The following GPC5 variants were observed in gnomAD, a reference collection of about 807,000 sequenced individuals.
GPC5 encodes the protein glypican-5.
In GPC5, 47 loss-of-function variants were observed where a neutral mutation model predicts 53.9. That is an observed-to-expected ratio of 0.87 (90% confidence interval 0.69 to 1.11). The LOEUF is 1.11. GPC5 is among the 50% of genes most tolerant of loss of function. The probability of loss-of-function intolerance (pLI) is 0.00; values close to 1 mark genes in which losing one functional copy is unlikely to be tolerated. For synonymous variants in GPC5, 286 were observed against 263.3 expected (o/e 1.09, Z -0.84); for missense variants, 748 against 713.1 (o/e 1.05, Z -0.56).
At chr13:91,481,919 G>A (rs971106599) in intron 2 of GPC5, among the ~76,000 whole-genome samples, 1 of 152,036 alleles carries the variant, frequency 6.6e-6, no homozygotes, top group Non-Finnish European at 1.5e-5. Flanking sequence ...AGAACCATTT[G>A]TATTGGAATC....
At chr13:92,044,331 G>A (rs1347881547) in intron 6 of GPC5, among the ~76,000 whole-genome samples, 1 of 152,066 alleles carries the variant, frequency 6.6e-6, no homozygotes, top group African/African-American at 2.4e-5. Flanking sequence ...TGTAAATAAG[G>A]CCCTAAGCTG....
At chr13:92,419,229 A>G (rs1876452677) in intron 7 of GPC5, among the ~76,000 whole-genome samples, 1 of 152,226 alleles carries the variant, frequency 6.6e-6, no homozygotes, top group Admixed American at 6.5e-5. Context: ...ACAATGAGAC[A>G]GAAGCTGCAT....
rs1004396153 is a variant in GPC5, at chr13:91,557,859, G to A, written c.325+108937G>A. Among the ~76,000 whole-genome samples, 8 of 152,062 alleles carry A rather than the reference G, an allele frequency of 5.3e-5. No individual in the cohort carries two copies. In the South Asian group the frequency reaches 6.2e-4, roughly 12 times the overall value. ...TTACATTAGTCCCAGAGCTTTAGCC[G>A]TTTAAAGCACAGGTTCTACAGCTTC... On this transcript the variant is annotated intron_variant, in intron 2 of 7. Transcript: ENST00000377067.
chr13:91,828,549 C>T (rs1472874910), intron 5 of GPC5, among the ~76,000 whole-genome samples: 1 of 151,980 alleles, frequency 6.6e-6, no homozygotes, highest in African/African-American at 2.4e-5. Context: ...AATGAGGACT[C>T]CTTGGATAAA....
At chr13:92,327,146 C>T (rs574781716) in intron 7 of GPC5, among the ~76,000 whole-genome samples, 30 of 152,266 alleles carry the variant, frequency 2.0e-4, no homozygotes, top group Non-Finnish European at 4.3e-4. Flanking sequence ...GGGACCAAGA[C>T]CTGTTTTACT....
At chr13:92,423,053 T>C (rs937360465) in intron 7 of GPC5, among the ~76,000 whole-genome samples, 12 of 152,200 alleles carry the variant, frequency 7.9e-5, no homozygotes, top group African/African-American at 2.7e-4. Flanking sequence ...ACATTGAGTG[T>C]AGAGTGAGGT....
intron 6 of GPC5, among the ~76,000 whole-genome samples, chr13:92,031,754 A>AC (rs2040847321): frequency 9.8e-6 from 1 of 101,994 alleles, no homozygotes; most frequent in Non-Finnish European, 1.8e-5. Flanking sequence ...AATATATATT[A>AC]TATTACATAT....
chr13:92,125,999 G>T (rs1214715002), intron 6 of GPC5, among the ~76,000 whole-genome samples: 2 of 110,010 alleles, frequency 1.8e-5, no homozygotes, highest in East Asian at 3.2e-4. Flanking sequence ...TTGTTGCCCC[G>T]GCTGGAGTGC....
chr13:91,997,655 A>T (rs547555862), intron 6 of GPC5, among the ~76,000 whole-genome samples: 1 of 152,286 alleles, frequency 6.6e-6, no homozygotes, highest in South Asian at 2.1e-4. Context: ...AGTAGCTGGA[A>T]TTACAGATGC....
chr13:91,702,176 A>C (rs1356891538), intron 3 of GPC5, among the ~76,000 whole-genome samples: 3 of 152,048 alleles, frequency 2.0e-5, no homozygotes, highest in Non-Finnish European at 4.4e-5. Context: ...TGAGTTCCTT[A>C]TGTATTTTGG....
chr13:91,546,096 A>T (rs1445425751), intron 2 of GPC5, among the ~76,000 whole-genome samples: 3 of 152,114 alleles, frequency 2.0e-5, no homozygotes, highest in Non-Finnish European at 2.9e-5. Flanking sequence ...TCAATGACCA[A>T]TGTGAGCATT....
chr13:92,235,618 T>C (rs988853186), intron 7 of GPC5, among the ~76,000 whole-genome samples: 8 of 152,110 alleles, frequency 5.3e-5, no homozygotes, highest in African/African-American at 1.9e-4. Flanking sequence ...GATTGGCTGA[T>C]TAACTTCACA....
At chr13:91,977,983 GAAAAGA>G (rs2040321939) in intron 6 of GPC5, among the ~76,000 whole-genome samples, 8 of 129,436 alleles carry the variant, frequency 6.2e-5, no homozygotes, top group African/African-American at 2.5e-4. Flanking sequence ...AAGAAAGAAA[GAAAAGA>G]AAAAAAAAAT....
chr13:92,504,496 T>C (rs549224776), intron 7 of GPC5, among the ~76,000 whole-genome samples: 11 of 152,082 alleles, frequency 7.2e-5, no homozygotes, highest in African/African-American at 2.6e-4. Context: ...GATTCTAAAA[T>C]GTATATAGAA....
intron 5 of GPC5, among the ~76,000 whole-genome samples, chr13:91,759,226 A>G (rs1395371079): frequency 1.3e-5 from 2 of 151,446 alleles, no homozygotes; most frequent in Admixed American, 6.6e-5. Context: ...TCAATTCTTT[A>G]TTTTTTTTCA....
intron 7 of GPC5, among the ~76,000 whole-genome samples, chr13:92,290,786 G>A (rs1337440613): frequency 2.6e-5 from 4 of 152,200 alleles, no homozygotes; most frequent in African/African-American, 4.8e-5. Context: ...CCACTTTGGC[G>A]GCACTTGAGG....
At chr13:92,383,778 T>C (rs1325301487) in intron 7 of GPC5, among the ~76,000 whole-genome samples, 1 of 152,202 alleles carries the variant, frequency 6.6e-6, no homozygotes, top group African/African-American at 2.4e-5. Context: ...AATTATATTT[T>C]AACTTAAAAT....
At chr13:92,700,249 C>T (rs1012354034) in intron 7 of GPC5, among the ~76,000 whole-genome samples, 1 of 142,460 alleles carries the variant, frequency 7.0e-6, no homozygotes, top group Non-Finnish European at 1.5e-5. Flanking sequence ...GGATTGCAAC[C>T]CCTGCATTTT....
chr13:92,021,275 T>C (rs2040755979), intron 6 of GPC5, among the ~76,000 whole-genome samples: 1 of 152,172 alleles, frequency 6.6e-6, no homozygotes. Context: ...GGTATATACA[T>C]GAAATGGGAT....
Sources: allele counts gnomAD v4.1 joint callset (sites outside exome capture counted in the v4.1 genomes callset), GRCh38; gene constraint gnomAD v4.1.1; transcripts MANE v1.5; gene names NCBI Gene and HGNC (gene_info 2026-07-23, HGNC 2026-07-21).